SPAG17: variants seen among roughly 807,000 people sequenced by gnomAD.
The protein encoded by SPAG17 is sperm-associated antigen 17.
SPAG17 carries 169 observed loss-of-function variants against 273.6 expected under a neutral mutation model. The observed-to-expected ratio is 0.62, with a 90% CI of 0.55 to 0.70. The LOEUF (loss-of-function observed/expected upper bound fraction) is 0.70, where lower values mean the gene tolerates loss of function less well. Among genes scored for constraint, SPAG17 ranks in the 30% least tolerant of loss-of-function variants. SPAG17 has a pLI of 0.00. For synonymous variants in SPAG17, 825 were observed against 873.2 expected, an observed-to-expected ratio of 0.94 and a Z score of 0.97; for missense variants, 2,557 against 2,627.8, an observed-to-expected ratio of 0.97 and a Z score of 0.59.
intron 43 of SPAG17, among the ~76,000 whole-genome samples, chr1:117,976,360 T>C (rs767503898): frequency 1.3e-5 from 2 of 152,240 alleles, no homozygotes; most frequent in Non-Finnish European, 2.9e-5. Flanking sequence ...CCAGTAGTGG[T>C]TCCTTGTTAC....
intron 8 of SPAG17, among the ~76,000 whole-genome samples, chr1:118,092,447 CA>C (rs1208366586): frequency 6.6e-6 from 1 of 152,212 alleles, no homozygotes; most frequent in Non-Finnish European, 1.5e-5. Flanking sequence ...TGTTGTTCTT[CA>C]CTTTGCACAT....
chr1:118,047,982 T>G (rs1301966969), intron 20 of SPAG17, among the ~76,000 whole-genome samples: 1 of 151,828 alleles, frequency 6.6e-6, no homozygotes, highest in Non-Finnish European at 1.5e-5. Flanking sequence ...ACTGGGCTGG[T>G]TCCTGTGAAC....
intron 42 of SPAG17, among the ~76,000 whole-genome samples, chr1:117,981,740 T>A (rs759132925): frequency 2.7e-4 from 41 of 152,252 alleles, no homozygotes; most frequent in Admixed American, 1.9e-3. Context: ...TACTTTTACC[T>A]GGTAACGGCA....
intron 48 of SPAG17, chr1:117,960,514 T>C (rs772253352): frequency 6.6e-6 from 1 of 152,286 alleles, no homozygotes; most frequent in Admixed American, 6.5e-5. Context: ...GTGGTACTTA[T>C]CAAGCATCAG....
chr1:118,105,647 G>A (rs10802006), intron 4 of SPAG17, among the ~76,000 whole-genome samples: 76,130 of 151,870 alleles, frequency 0.5, 19,635 homozygotes, highest in African/African-American at 0.57. Context: ...AAATTATGTA[G>A]GAGGATATTG....
intron 1 of SPAG17, among the ~76,000 whole-genome samples, chr1:118,165,943 G>A (rs1050353257): frequency 2.6e-5 from 4 of 152,104 alleles, no homozygotes; most frequent in Non-Finnish European, 4.4e-5. Context: ...GCACCCGGCC[G>A]AAATCTTTCT....
At chr1:118,092,599 A>C (rs1655448398) in intron 8 of SPAG17, among the ~76,000 whole-genome samples, 2 of 152,104 alleles carry the variant, frequency 1.3e-5, no homozygotes, top group Admixed American at 1.3e-4. Flanking sequence ...GCTTTCCATT[A>C]GGCACTTCAT....
At chr1:118,072,873 G>A (rs1281037867) in intron 17 of SPAG17, among the ~76,000 whole-genome samples, 4 of 152,158 alleles carry the variant, frequency 2.6e-5, no homozygotes, top group East Asian at 1.9e-4. Context: ...TCTCAAGAGC[G>A]AATCAATTGG....
At chr1:117,979,407 T>C (rs1655508092) in intron 43 of SPAG17, among the ~76,000 whole-genome samples, 1 of 152,194 alleles carries the variant, frequency 6.6e-6, no homozygotes, top group Admixed American at 6.5e-5. Flanking sequence ...TTCTATTGGC[T>C]CCACCCTCAT....
chr1:118,067,498 C>T (rs565436372), intron 17 of SPAG17, among the ~76,000 whole-genome samples: 46 of 152,252 alleles, frequency 3.0e-4, no homozygotes, highest in African/African-American at 1.1e-3. Flanking sequence ...ACTCTCTCTG[C>T]CATGTGAGGA....
intron 3 of SPAG17, among the ~76,000 whole-genome samples, chr1:118,125,797 A>C (rs2102283494): frequency 6.6e-6 from 1 of 152,288 alleles, no homozygotes; most frequent in East Asian, 1.9e-4. Context: ...GATTGATTCC[A>C]TATCTTGGCT....
At chr1:118,069,344 C>CAAAAAAAAA (rs563980015) in intron 17 of SPAG17, among the ~76,000 whole-genome samples, 7 of 86,182 alleles carry the variant, frequency 8.1e-5, no homozygotes, top group Admixed American at 3.6e-4. Flanking sequence ...GACTCCGTCT[C>CAAAAAAAAA]AAAAAAAAAA....
intron 5 of SPAG17, 133 bp downstream of exon 5, chr1:118,101,607 G>A (rs1178121319): frequency 2.7e-5 from 23 of 842,544 alleles, no homozygotes; most frequent in Non-Finnish European, 4.1e-5. Context: ...GTGTCTCTAG[G>A]GCAAAATGAT....
intron 4 of SPAG17, among the ~76,000 whole-genome samples, chr1:118,102,487 A>G (rs1196414598): frequency 6.6e-6 from 1 of 152,246 alleles, no homozygotes. Flanking sequence ...CTTAGCATTA[A>G]CTAAGTATTT....
intron 47 of SPAG17, chr1:117,966,361 T>G (rs1223514668): frequency 3.0e-6 from 1 of 338,710 alleles, no homozygotes; most frequent in Non-Finnish European, 5.3e-6. Context: ...TGATATTCCG[T>G]AGATAGCCAA....
At chr1:117,998,053 A>G (rs1657855143) in intron 32 of SPAG17, among the ~76,000 whole-genome samples, 2 of 152,088 alleles carry the variant, frequency 1.3e-5, no homozygotes, top group Non-Finnish European at 2.9e-5. Context: ...GAAGCTTTTT[A>G]GTTTAATTAG....
At chr1:118,033,872 C>A (rs1287082717) in intron 24 of SPAG17, among the ~76,000 whole-genome samples, 1 of 152,218 alleles carries the variant, frequency 6.6e-6, no homozygotes, top group Non-Finnish European at 1.5e-5. Context: ...GCTACAATTT[C>A]TCTCAAGTAT....
At chr1:118,084,433 T>C (rs1654832699) in intron 13 of SPAG17, among the ~76,000 whole-genome samples, 1 of 152,252 alleles carries the variant, frequency 6.6e-6, no homozygotes, top group Non-Finnish European at 1.5e-5. Context: ...TGTCCTTTCT[T>C]ATAGGTAGTA....
intron 10 of SPAG17, among the ~76,000 whole-genome samples, chr1:118,088,968 G>T (rs751214416): frequency 1.8e-4 from 27 of 152,156 alleles, no homozygotes; most frequent in Non-Finnish European, 3.4e-4. Flanking sequence ...TATGGGTTAG[G>T]TGTGGTTATT....
Sources: allele counts gnomAD v4.1 joint callset (sites outside exome capture counted in the v4.1 genomes callset), GRCh38; gene constraint gnomAD v4.1.1; transcripts MANE v1.5; gene names NCBI Gene and HGNC (gene_info 2026-07-23, HGNC 2026-07-21).